The following JAK2 variants were observed in gnomAD, a reference collection of about 807,000 sequenced individuals.
JAK2 encodes the protein Janus kinase 2, also known as tyrosine-protein kinase JAK2.
A neutral mutation model predicts 139.3 loss-of-function variants in JAK2; 86 were observed. The ratio of observed to expected loss-of-function variants is 0.62; its 90% CI spans 0.52 to 0.74. JAK2 has a LOEUF of 0.74. Ranked by LOEUF, JAK2 falls within the 30% of genes least tolerant of loss-of-function variation. JAK2 has a pLI of 0.00. For synonymous variants in JAK2, 490 were observed against 437.7 expected, an observed-to-expected ratio of 1.12 and a Z score of -1.49; for missense variants, 1,421 against 1,360.3, an observed-to-expected ratio of 1.04 and a Z score of -0.70.
chr9:5,021,460 G>C (rs1011334433), intron 2 of JAK2, among the ~76,000 whole-genome samples: 1 of 152,106 alleles, frequency 6.6e-6, no homozygotes, highest in Non-Finnish European at 1.5e-5. Context: ...TATAATCTTT[G>C]TCCACAGGAA....
At chr9:5,021,067 T>A (rs1587835875) in intron 2 of JAK2, among the ~76,000 whole-genome samples, 1 of 151,872 alleles carries the variant, frequency 6.6e-6, no homozygotes, top group Non-Finnish European at 1.5e-5. Flanking sequence ...ATTGCAGGAG[T>A]TTGCAGTGAA....
chr9:4,999,509 G>A (rs1029421468), intron 2 of JAK2, among the ~76,000 whole-genome samples: 17 of 152,110 alleles, frequency 1.1e-4, no homozygotes, highest in African/African-American at 4.1e-4. Context: ...ACATATTAGG[G>A]TTCTCTAGAA....
chr9:5,005,613 G>C (rs756425441), intron 2 of JAK2, among the ~76,000 whole-genome samples: 4 of 152,092 alleles, frequency 2.6e-5, no homozygotes, highest in Non-Finnish European at 5.9e-5. Context: ...AGAGATTCCA[G>C]TGTAATTTTT....
At chr9:5,085,808 C>A (rs545317441) in intron 19 of JAK2, 2 of 758,320 alleles carry the variant, frequency 2.6e-6, no homozygotes, top group Non-Finnish European at 4.9e-6. Flanking sequence ...CCATTAGTAC[C>A]ACAATAATTG....
At chr9:5,070,856 G>C (rs1446764617) in intron 12 of JAK2, among the ~76,000 whole-genome samples, 1 of 152,114 alleles carries the variant, frequency 6.6e-6, no homozygotes, top group African/African-American at 2.4e-5. Context: ...AGGGGGTTAA[G>C]ATTTAAGAGC....
At chr9:5,061,746 G>A (rs955549630) in intron 8 of JAK2, among the ~76,000 whole-genome samples, 1 of 152,176 alleles carries the variant, frequency 6.6e-6, no homozygotes. Context: ...TTTTCCTTTG[G>A]ATTCATAACT....
chr9:5,113,728 C>T lies in JAK2; in HGVS notation c.3060-9276C>T, dbSNP rs182527810. The T allele has an allele frequency of 3.7e-3, 625 of 167,092 alleles. 5 individuals are homozygous for T. The highest frequency in any genetic ancestry group is 0.014 in the African/African-American group (599 of 41,720). The allele number at this position is 167,092 out of a possible 1,614,324, so 10.4% of individuals were successfully genotyped here. ...CTGGGACCTTCCCAGCCACCACCCTCACGCCCTCTGGCCATTACGCCATCA... is the reference window on the plus strand; with the variant it reads ...CTGGGACCTTCCCAGCCACCACCCTTACGCCCTCTGGCCATTACGCCATCA... On this transcript the variant is annotated intron_variant, in intron 22 of 24. Transcript: ENST00000381652.
intron 23 of JAK2, among the ~76,000 whole-genome samples, chr9:5,124,095 A>C (rs1004518484): frequency 2.6e-5 from 4 of 151,618 alleles, no homozygotes; most frequent in Admixed American, 2.0e-4. Flanking sequence ...GTTCCTTATA[A>C]ATTCTGGATG....
At chr9:5,010,399 C>A (rs949229249) in intron 2 of JAK2, among the ~76,000 whole-genome samples, 1 of 151,838 alleles carries the variant, frequency 6.6e-6, no homozygotes, top group Non-Finnish European at 1.5e-5. Flanking sequence ...ACCTCCGTTG[C>A]AACCTCTGCC....
chr9:4,995,209 T>G (rs1393690924), intron 2 of JAK2, among the ~76,000 whole-genome samples: 1 of 152,216 alleles, frequency 6.6e-6, no homozygotes, highest in Admixed American at 6.5e-5. Context: ...TTGGCCCACT[T>G]TCTATTGGAT....
At chr9:5,115,711 C>T (rs1823098363) in intron 22 of JAK2, among the ~76,000 whole-genome samples, 1 of 152,176 alleles carries the variant, frequency 6.6e-6, no homozygotes, top group Admixed American at 6.5e-5. Context: ...CACATATACA[C>T]CATGGAATAC....
At chr9:5,019,039 C>T (rs1822246621) in intron 2 of JAK2, among the ~76,000 whole-genome samples, 1 of 152,108 alleles carries the variant, frequency 6.6e-6, no homozygotes, top group African/African-American at 2.4e-5. Context: ...TGTGGAGAAC[C>T]TGTTGGAATT....
intron 5 of JAK2, among the ~76,000 whole-genome samples, chr9:5,050,390 C>T (rs565722972): frequency 6.6e-6 from 1 of 152,190 alleles, no homozygotes; most frequent in African/African-American, 2.4e-5. Flanking sequence ...CCTACCTCAG[C>T]CCCCCAAGTA....
chr9:5,106,994 A>G (rs191418772), intron 22 of JAK2, among the ~76,000 whole-genome samples: 33 of 152,324 alleles, frequency 2.2e-4, no homozygotes, highest in Middle Eastern at 6.8e-3. Context: ...ACAAACCTGC[A>G]CATTGTGCAC....
chr9:5,117,400 A>G (rs1823279249), intron 22 of JAK2, among the ~76,000 whole-genome samples: 2 of 152,240 alleles, frequency 1.3e-5, no homozygotes. Context: ...CTTTTGTTAT[A>G]GAACAGCAGT....
intron 4 of JAK2, among the ~76,000 whole-genome samples, chr9:5,036,462 C>T (rs1823608849): frequency 1.3e-5 from 2 of 152,152 alleles, no homozygotes; most frequent in Non-Finnish European, 2.9e-5. Context: ...CATCACGCTA[C>T]CTGACTTCAA....
At position 5,126,834 on chromosome 9, in the gene JAK2, C is replaced by A; in HGVS notation, c.*43C>A. ...CTGAGACCAAAGTAGATTTACAGAA[C>A]AAAGTTTTATATTTCACATTGCTGT... On this transcript the variant is annotated 3_prime_UTR_variant, in exon 25 of 25. Coordinates refer to ENST00000381652, the MANE Select transcript of JAK2 (RefSeq NM_004972.4). 1 of 1,238,124 alleles carries A rather than the reference C, an allele frequency of 8.1e-7. No individual in the cohort carries two copies. Among genetic ancestry groups the A allele is most frequent in the Non-Finnish European group, 1.2e-6 (1 of 851,792 alleles). The allele number at this position is 1,238,124 out of a possible 1,614,324, so 76.7% of individuals were successfully genotyped here. A position where few individuals can be genotyped will look rare whatever the true frequency, so the allele number is the denominator to read the frequency against.
At chr9:5,080,752 A>G (rs1819632389) in intron 18 of JAK2, 69 bp downstream of exon 18, 2 of 1,195,260 alleles carry the variant, frequency 1.7e-6, no homozygotes, top group Admixed American at 2.7e-5. Flanking sequence ...AATCATTACT[A>G]ATTTTTAATT....
Position 5,126,913 on chromosome 9 carries a change from G to A in JAK2, c.*122G>A, listed in dbSNP as rs41314565. On this transcript the variant is annotated 3_prime_UTR_variant, in exon 25 of 25. Coordinates refer to ENST00000381652, the MANE Select transcript of JAK2 (RefSeq NM_004972.4). ...ATAAATCATGATGCTAGCCAGCAAA[G>A]ATGTGAAAATATCTGCTCAAAACTT... The A allele has an allele frequency of 3.0e-3, 1,541 of 511,206 alleles. 2 individuals are homozygous for A. The highest frequency in any genetic ancestry group is 4.0e-3 in the South Asian group (106 of 26,458). 31.7% of individuals were successfully genotyped at this position (511,206 alleles called of 1,614,324 possible).
Sources: gnomAD v4.1 joint callset for allele counts (sites outside exome capture counted in the v4.1 genomes callset) on GRCh38, gnomAD v4.1.1 for gene constraint, MANE v1.5 for transcripts, NCBI Gene and HGNC (gene_info 2026-07-23, HGNC 2026-07-21) for gene names.